The following MACO1 variants were observed in gnomAD, a reference collection of about 807,000 sequenced individuals.
MACO1 encodes the protein macoilin.
MACO1 carries 14 observed loss-of-function variants against 78.7 expected under a neutral mutation model. The ratio of observed to expected loss-of-function variants is 0.18; its 90% CI spans 0.12 to 0.28. The LOEUF is 0.28. Among genes scored for constraint, MACO1 ranks in the 10% least tolerant of loss-of-function variants. The pLI, the probability that MACO1 is intolerant of heterozygous loss-of-function variation, is 1.00. For missense variants in MACO1, 501 were observed against 799.0 expected (o/e 0.63, Z 4.50); for synonymous variants, 288 against 291.6 (o/e 0.99, Z 0.12).
intron 8 of MACO1, among the ~76,000 whole-genome samples, chr1:25,488,271 C>CA (rs1204105899): frequency 6.6e-6 from 1 of 151,978 alleles, no homozygotes; most frequent in East Asian, 1.9e-4. Flanking sequence ...AGGCTGATCT[C>CA]AGACTCTGGG....
intron 9 of MACO1, 52 bp downstream of exon 9, chr1:25,489,345 A>C: frequency 6.2e-7 from 1 of 1,600,474 alleles, no homozygotes; most frequent in Non-Finnish European, 8.5e-7. Flanking sequence ...CTTTTATGCT[A>C]AACTTGTGCT....
chr1:25,495,373 G>T (rs1234236948), intron 10 of MACO1, among the ~76,000 whole-genome samples: 1 of 152,152 alleles, frequency 6.6e-6, no homozygotes, highest in African/African-American at 2.4e-5. Context: ...ACTTAAATCG[G>T]CAGGGAAAAA....
Position 25,431,012 on chromosome 1 carries a change from G to A in MACO1, c.-87G>A, listed in dbSNP as rs2124562228. ...TGACCGGCCTCAGGGGTAGAGTCCA[G>A]GCCCGACGCGGGGCGGGCCAGCGGC... On this transcript the variant is annotated 5_prime_UTR_variant, in exon 1 of 11. Transcript: ENST00000374343. 1 of 1,055,322 alleles carries A rather than the reference G, an allele frequency of 9.5e-7. No homozygotes were observed. The highest frequency in any genetic ancestry group is 4.1e-5 in the East Asian group (1 of 24,452). The allele number at this position is 1,055,322 out of a possible 1,614,324, so 65.4% of individuals were successfully genotyped here. A position where few individuals can be genotyped will look rare whatever the true frequency, so the allele number is the denominator to read the frequency against.
chr1:25,462,794 G>A (rs186017693), intron 6 of MACO1, among the ~76,000 whole-genome samples: 2 of 55,008 alleles, frequency 3.6e-5, no homozygotes, highest in Non-Finnish European at 4.9e-5. Context: ...GTAAAAGGGC[G>A]GGCAGTCTGG....
intron 1 of MACO1, among the ~76,000 whole-genome samples, chr1:25,442,509 T>G (rs1210082350): frequency 2.6e-5 from 4 of 152,172 alleles, no homozygotes; most frequent in Non-Finnish European, 5.9e-5. Context: ...GATGGCCAGC[T>G]GGTGGTAATT....
At chr1:25,448,673 G>T in intron 2 of MACO1, 135 bp from the exon 3 acceptor site, 1 of 738,864 alleles carries the variant, frequency 1.4e-6, no homozygotes, top group Non-Finnish European at 1.9e-6. Flanking sequence ...ATTTCCTTTT[G>T]TGAATTTGCT....
At chr1:25,479,111 G>A (rs528414026) in intron 6 of MACO1, among the ~76,000 whole-genome samples, 1 of 152,074 alleles carries the variant, frequency 6.6e-6, no homozygotes, top group Non-Finnish European at 1.5e-5. Flanking sequence ...TAGTTTCAAG[G>A]CTTATAATCT....
At chr1:25,453,919 G>C (rs1362673206) in intron 3 of MACO1, among the ~76,000 whole-genome samples, 1 of 151,912 alleles carries the variant, frequency 6.6e-6, no homozygotes, top group Non-Finnish European at 1.5e-5. Context: ...CTTTTTCTAT[G>C]TTTTTTAGCC....
intron 1 of MACO1, among the ~76,000 whole-genome samples, chr1:25,441,277 A>G (rs1571951323): frequency 6.6e-6 from 1 of 151,572 alleles, no homozygotes; most frequent in East Asian, 1.9e-4. Flanking sequence ...TGTAACCTCC[A>G]CCTCCTGGGT....
chr1:25,489,541 G>A (rs976831347), intron 9 of MACO1, among the ~76,000 whole-genome samples: 2 of 152,120 alleles, frequency 1.3e-5, no homozygotes, highest in African/African-American at 4.8e-5. Context: ...TTTATACCAG[G>A]ATTTAACTTG....
chr1:25,459,369 A>G (rs116418021), intron 6 of MACO1, among the ~76,000 whole-genome samples: 2,099 of 152,332 alleles, frequency 0.014, 34 homozygotes, highest in South Asian at 0.03. Flanking sequence ...GAATTATCCT[A>G]GATAACTCTG....
chr1:25,455,764 T>G (rs1323179566), intron 4 of MACO1, among the ~76,000 whole-genome samples: 1 of 152,136 alleles, frequency 6.6e-6, no homozygotes, highest in Non-Finnish European at 1.5e-5. Flanking sequence ...ATGACAGAAT[T>G]TATATATGAC....
intron 6 of MACO1, among the ~76,000 whole-genome samples, chr1:25,482,524 T>C (rs1396587758): frequency 1.3e-5 from 2 of 152,206 alleles, no homozygotes; most frequent in African/African-American, 2.4e-5. Context: ...TTGAGTTTTT[T>C]AATACATTTC....
rs780804980 is a variant in MACO1, at chr1:25,491,603, CT to C, written c.1792+20del. ...GCCCAAGGTAGGAGAACGTGGGCCC[CT>C]GGTGAGGTGGTGTGACTGATAATGC... On this transcript the variant is annotated intron_variant, in intron 10 of 10. Transcript: ENST00000374343. The C allele has an allele frequency of 1.9e-6, 3 of 1,610,424 alleles. No individual in the cohort carries two copies. Among genetic ancestry groups the C allele is most frequent in the Non-Finnish European group, 2.5e-6 (3 of 1,176,928 alleles).
chr1:25,454,219 A>G (rs1217153753), intron 3 of MACO1, 40 bp from the exon 4 acceptor site: 2 of 1,530,772 alleles, frequency 1.3e-6, no homozygotes, highest in Non-Finnish European at 1.8e-6. Flanking sequence ...TAGTTACTAT[A>G]TCGTTTATTA....
intron 6 of MACO1, among the ~76,000 whole-genome samples, chr1:25,474,145 C>A (rs1348870096): frequency 6.6e-6 from 1 of 152,182 alleles, no homozygotes; most frequent in Admixed American, 6.5e-5. Context: ...AGGGGACAGC[C>A]AGTTGTTGCC....
At chr1:25,488,685 G>A (rs976831565) in intron 8 of MACO1, among the ~76,000 whole-genome samples, 5 of 151,892 alleles carry the variant, frequency 3.3e-5, no homozygotes, top group Non-Finnish European at 7.4e-5. Context: ...GGGTTTCACT[G>A]TGTTGGCCAG....
intron 2 of MACO1, 63 bp downstream of exon 2, chr1:25,446,966 A>T: frequency 6.5e-7 from 1 of 1,538,984 alleles, no homozygotes; most frequent in African/African-American, 1.4e-5. Context: ...AGTAGATGTT[A>T]TTAGCAATAC....
At chr1:25,492,840 G>C (rs2043499182) in intron 10 of MACO1, among the ~76,000 whole-genome samples, 1 of 152,038 alleles carries the variant, frequency 6.6e-6, no homozygotes, top group Non-Finnish European at 1.5e-5. Context: ...ATAAAATAGA[G>C]TACTGAAAAG....
Sources: allele counts gnomAD v4.1 joint callset (sites outside exome capture counted in the v4.1 genomes callset), GRCh38; gene constraint gnomAD v4.1.1; transcripts MANE v1.5; gene names NCBI Gene and HGNC (gene_info 2026-07-23, HGNC 2026-07-21).